Variants in OR4K5 observed in about 807,000 individuals in gnomAD.
The protein encoded by OR4K5 is olfactory receptor 4K5.
For synonymous variants in OR4K5, 187 were observed against 142.2 expected, an observed-to-expected ratio of 1.31 and a Z score of -2.24; for missense variants, 520 against 377.1, an observed-to-expected ratio of 1.38 and a Z score of -3.14.
chr14:19,921,245 C>T lies in OR4K5; in HGVS notation c.639C>T (p.Leu213=). Residue 213 remains leucine, a synonymous_variant, in exon 1 of 1, where the codon CTC becomes CTT. Transcript: ENST00000315915. ...TTCTTTCCCTAAGCACTTTCTCTCT[C>T]TTGGTCAGCTCCTACATCATTATTC... is the stretch of plus-strand genomic sequence containing the variant. The part of the protein sequence containing the change: ...SGILSLSTFS[L]LVSSYIIILV... The T allele has an allele frequency of 6.2e-7, 1 of 1,614,190 alleles. No homozygotes were observed. Among genetic ancestry groups the T allele is most frequent in the East Asian group, 2.2e-5 (1 of 44,888 alleles).
chr14:19,921,368 C>T lies in OR4K5; in HGVS notation c.762C>T (p.Cys254=). The change falls in exon 1 of 1, where the codon TGC becomes TGT. Residue 254 remains cysteine (C), a synonymous_variant. Transcript: ENST00000315915. ...IAVVILFFGP[C]IFIYVWPFTI... The stretch of plus-strand genomic sequence containing the variant: ...TAGTAATATTATTCTTTGGACCTTG[C>T]ATCTTCATCTATGTGTGGCCCTTTA... The T allele has an allele frequency of 6.2e-7, 1 of 1,614,164 alleles. No homozygotes were observed. Among genetic ancestry groups the T allele is most frequent in the Non-Finnish European group, 8.5e-7 (1 of 1,179,998 alleles).
rs1487688717 is a variant in OR4K5 at position 19,920,773 on chromosome 14, A to G, written c.167A>G (p.His56Arg). The stretch of plus-strand genomic sequence containing the variant: ...ACAGTGACTTCTGATACCAGCCTGC[A>G]CTCCCCTATGTACTTTCTCTTGGGA... ...ILTVTSDTSL[H>R]SPMYFLLGNL... Residue 56 changes from histidine (H) to arginine (R), a missense_variant, in exon 1 of 1, where the codon CAC becomes CGC. Coordinates refer to ENST00000315915, the MANE Select transcript of OR4K5 (RefSeq NM_001005483.1). 2 of 1,613,882 alleles carry G rather than the reference A, an allele frequency of 1.2e-6. No individual in the cohort carries two copies. The highest frequency in any genetic ancestry group is 2.2e-5 in the East Asian group (1 of 44,870).
In OR4K5 at chr14:19,920,836, C is replaced by T. The variant is rs142645609; in HGVS notation, c.230C>T (p.Ala77Val). The T allele has an allele frequency of 1.4e-4, 224 of 1,614,186 alleles. No individual in the cohort carries two copies. The African/African-American group carries it at 2.4e-3, about 18-fold the overall frequency. Residue 77 changes from alanine (A) to valine (V), a missense_variant, in exon 1 of 1, where the codon GCT becomes GTT. Physicochemically the swap from Ala to Val is moderately conservative, Grantham distance 64 (BLOSUM62 0). Transcript: ENST00000315915. ...GTTGACATTTGTCAGGCTTCTTTTG[C>T]TACCCCTAAAATGATTGCAGATTTT... Reference protein sequence around the residue: ...SFVDICQASFATPKMIADFLS... With the variant: ...SFVDICQASFVTPKMIADFLS...
rs1881906370 is a variant in OR4K5, at chr14:19,920,645, A to G, written c.39A>G (p.Val13=). The change falls in exon 1 of 1, where the codon GTA becomes GTG. Residue 13 remains valine, a synonymous_variant. Transcript: ENST00000315915. ...ATTCTTCAGTGGTGTCTGAATTTGT[A>G]CTGTTGGGACTCTGTAGTTCTCAAA... is the stretch of plus-strand genomic sequence containing the variant. ...KSNSSVVSEF[V]LLGLCSSQKL... is the part of the protein sequence containing the mutation. 5.0e-6 allele frequency: 8 copies of G among 1,612,442 alleles called. No homozygotes were observed. The African/African-American group carries it at 6.7e-5, about 13-fold the overall frequency.
chr14:19,920,916 A>G lies in OR4K5; in HGVS notation c.310A>G (p.Ile104Val). 2 of 1,614,150 alleles carry G rather than the reference A, an allele frequency of 1.2e-6. No individual in the cohort carries two copies. Among genetic ancestry groups the G allele is most frequent in the Non-Finnish European group, 8.5e-7 (1 of 1,179,996 alleles). ...FSGCIAQIFF[I>V]HLFTGGEMVL... The stretch of plus-strand genomic sequence containing the variant: ...TGGCTGCATAGCCCAAATTTTCTTT[A>G]TTCACCTTTTTACTGGAGGGGAGAT... Residue 104 changes from isoleucine (I) to valine (V), a missense_variant, in exon 1 of 1, where the codon ATT becomes GTT. Transcript: ENST00000315915.
Position 19,920,643 on chromosome 14 carries a change from G to T in OR4K5, c.37G>T (p.Val13Leu). 2 of 1,612,650 alleles carry T rather than the reference G, an allele frequency of 1.2e-6. No individual in the cohort carries two copies. The highest frequency in any genetic ancestry group is 1.7e-6 in the Non-Finnish European group (2 of 1,179,508). The part of the protein sequence containing the change: ...KSNSSVVSEF[V>L]LLGLCSSQKL... ...CAATTCTTCAGTGGTGTCTGAATTT[G>T]TACTGTTGGGACTCTGTAGTTCTCA... is the stretch of plus-strand genomic sequence containing the variant. Residue 13 changes from valine to leucine, a missense_variant, in exon 1 of 1, where the codon GTA (valine) becomes TTA (leucine). Val to Leu is a conservative substitution (Grantham distance 32). Coordinates refer to ENST00000315915, the MANE Select transcript of OR4K5 (RefSeq NM_001005483.1).
At position 19,921,095 on chromosome 14, in the gene OR4K5, T is replaced by C. The variant is rs770078168; in HGVS notation, c.489T>C (p.Thr163=). The change falls in exon 1 of 1, where the codon ACT becomes ACC. Residue 163 remains threonine, a synonymous_variant. Coordinates refer to ENST00000315915, the MANE Select transcript of OR4K5 (RefSeq NM_001005483.1). The part of the protein sequence containing the change: ...LVHTLSQLSF[T]VNLPFCGPNV... ...ACACATTAAGCCAGTTATCATTTAC[T>C]GTGAACCTGCCTTTTTGTGGACCTA... The C allele has an allele frequency of 6.2e-7, 1 of 1,614,206 alleles. No homozygotes were observed. Among genetic ancestry groups the C allele is most frequent in the African/African-American group, 1.3e-5 (1 of 75,074 alleles).
Position 19,920,618 on chromosome 14 carries a change from C to A in OR4K5, c.12C>A (p.Ser4=). 1 of 1,605,876 alleles carries A rather than the reference C, an allele frequency of 6.2e-7. No individual in the cohort carries two copies. The highest frequency in any genetic ancestry group is 8.5e-7 in the Non-Finnish European group (1 of 1,176,764). Residue 4 remains serine, a synonymous_variant, in exon 1 of 1, where the codon TCC becomes TCA. Coordinates refer to ENST00000315915, the MANE Select transcript of OR4K5 (RefSeq NM_001005483.1). MDK[S]NSSVVSEFVL... ...TGCAGCTTGGAACCATGGATAAGTCCAATTCTTCAGTGGTGTCTGAATTTG... is the reference window on the plus strand; with the variant it reads ...TGCAGCTTGGAACCATGGATAAGTCAAATTCTTCAGTGGTGTCTGAATTTG...
Position 19,921,248 on chromosome 14 carries a change from G to C in OR4K5, c.642G>C (p.Leu214Phe), listed in dbSNP as rs1881933340. Residue 214 changes from leucine to phenylalanine, a missense_variant, in exon 1 of 1, where the codon TTG becomes TTC. By Grantham distance (22) the Leu-to-Phe change is conservative. Transcript: ENST00000315915. ...TTTCCCTAAGCACTTTCTCTCTCTT[G>C]GTCAGCTCCTACATCATTATTCTTG... ...GILSLSTFSLLVSSYIIILVT... is the reference protein window; with the variant it reads ...GILSLSTFSLFVSSYIIILVT... 6.2e-7 allele frequency: 1 copy of C among 1,614,118 alleles called. No individual in the cohort carries two copies. Among genetic ancestry groups the C allele is most frequent in the Non-Finnish European group, 8.5e-7 (1 of 1,179,972 alleles).
Position 19,921,019 on chromosome 14 carries a change from G to C in OR4K5, c.413G>C (p.Arg138Pro). The change falls in exon 1 of 1, where the codon CGA becomes CCA. Residue 138 changes from arginine to proline, a missense_variant. Physicochemically the swap from Arg to Pro is moderately radical, Grantham distance 103. Coordinates refer to ENST00000315915, the MANE Select transcript of OR4K5 (RefSeq NM_001005483.1). ...TTATACTATGTGGTCATCATGAGCC[G>C]AAGGACATGCACTGTCTTGGTAATG... Reference protein sequence around the residue: ...KPLYYVVIMSRRTCTVLVMIS... With the variant: ...KPLYYVVIMSPRTCTVLVMIS... The C allele has an allele frequency of 6.2e-7, 1 of 1,614,174 alleles. No homozygotes were observed. Among genetic ancestry groups the C allele is most frequent in the East Asian group, 2.2e-5 (1 of 44,890 alleles).
rs757554825 is a variant in OR4K5 at position 19,920,985 on chromosome 14, T to C, written c.379T>C (p.Cys127Arg). Residue 127 changes from cysteine to arginine, a missense_variant, in exon 1 of 1, where the codon TGC (cysteine) becomes CGC (arginine). Physicochemically the swap from Cys to Arg is radical, Grantham distance 180. Transcript: ENST00000315915. Reference sequence around the variant, plus strand: ...GGCCTATGACAGGTATGTAGCCATATGCAAACCCTTATACTATGTGGTCAT... The same window carrying C: ...GGCCTATGACAGGTATGTAGCCATACGCAAACCCTTATACTATGTGGTCAT... ...SMAYDRYVAICKPLYYVVIMS... is the reference protein window; with the variant it reads ...SMAYDRYVAIRKPLYYVVIMS... The C allele has an allele frequency of 3.8e-5, 62 of 1,614,082 alleles. No individual in the cohort carries two copies. In the South Asian group the frequency reaches 5.9e-4, roughly 15 times the overall value.
rs1555334171 is a variant in OR4K5, at chr14:19,920,701, C to T, written c.95C>T (p.Ser32Phe). 5.0e-6 allele frequency: 8 copies of T among 1,614,082 alleles called. No homozygotes were observed. The highest frequency in any genetic ancestry group is 2.2e-5 in the East Asian group (1 of 44,890). The change falls in exon 1 of 1, where the codon TCT becomes TTT. Residue 32 changes from serine to phenylalanine, a missense_variant. Physicochemically the swap from Ser to Phe is radical, Grantham distance 155. Coordinates refer to ENST00000315915, the MANE Select transcript of OR4K5 (RefSeq NM_001005483.1). Reference sequence around the variant, plus strand: ...CAGCTTTTCTATTTTTGTTTCTTCTCTGTGTTGTATACAGTCATTGTGCTG... The same window carrying T: ...CAGCTTTTCTATTTTTGTTTCTTCTTTGTGTTGTATACAGTCATTGTGCTG... ...KLQLFYFCFF[S>F]VLYTVIVLGN...
In OR4K5 at chr14:19,920,819, T is replaced by G. The variant is rs1594448326; in HGVS notation, c.213T>G (p.Ile71Met). Residue 71 changes from isoleucine to methionine, a missense_variant, in exon 1 of 1, where the codon ATT becomes ATG. Physicochemically the swap from Ile to Met is conservative, Grantham distance 10 (BLOSUM62 1). Transcript: ENST00000315915. ...TGGGAAACCTTTCCTTTGTTGACAT[T>G]TGTCAGGCTTCTTTTGCTACCCCTA... ...FLLGNLSFVD[I>M]CQASFATPKM... The G allele has an allele frequency of 3.1e-6, 5 of 1,614,244 alleles. No individual in the cohort carries two copies. In the East Asian group the frequency reaches 1.1e-4, roughly 36 times the overall value.
Position 19,920,979 on chromosome 14 carries a change from GC to G in OR4K5, c.375del (p.Ile126TyrfsTer11). 1.2e-6 allele frequency: 2 copies of G among 1,614,160 alleles called. No homozygotes were observed. The highest frequency in any genetic ancestry group is 1.7e-6 in the Non-Finnish European group (2 of 1,179,996). On this transcript the variant is annotated frameshift_variant, in exon 1 of 1. Transcript: ENST00000315915. LOFTEE classifies it low-confidence loss of function (END_TRUNC). ...TTCGATGGCCTATGACAGGTATGTA[GC>G]CATATGCAAACCCTTATACTATGTG... ...LVSMAYDRYVAICKPLYYVVI... is the reference protein window; with the variant it reads ...LVSMAYDRYVXICKPLYYVVI...
In OR4K5 at chr14:19,921,140, T is replaced by C. The variant is rs766445482; in HGVS notation, c.534T>C (p.Phe178=). Residue 178 remains phenylalanine, a synonymous_variant, in exon 1 of 1, where the codon TTT becomes TTC. Coordinates refer to ENST00000315915, the MANE Select transcript of OR4K5 (RefSeq NM_001005483.1). ...GACCTAATGTAGTAGACAGCTTTTT[T>C]TGTGATCTTCCTCGAGTCACCAAAC... ...FCGPNVVDSF[F]CDLPRVTKLA... The C allele has an allele frequency of 6.2e-7, 1 of 1,614,186 alleles. No individual in the cohort carries two copies. The highest frequency in any genetic ancestry group is 1.1e-5 in the South Asian group (1 of 91,086).
chr14:19,921,172 G>A lies in OR4K5; in HGVS notation c.566G>A (p.Cys189Tyr), dbSNP rs1221834647. ...CTTCCTCGAGTCACCAAACTTGCCT[G>A]CCTGGACTCTTACATCATTGAAATA... The part of the protein sequence containing the change: ...CDLPRVTKLA[C>Y]LDSYIIEILI... Residue 189 changes from cysteine (C) to tyrosine (Y), a missense_variant, in exon 1 of 1, where the codon TGC (cysteine) becomes TAC (tyrosine). Transcript: ENST00000315915. The A allele has an allele frequency of 1.2e-6, 2 of 1,614,156 alleles. No individual in the cohort carries two copies. The highest frequency in any genetic ancestry group is 1.3e-5 in the African/African-American group (1 of 75,060).
In OR4K5 at chr14:19,921,242, T is replaced by C; in HGVS notation, c.636T>C (p.Ser212=). 6.2e-7 allele frequency: 1 copy of C among 1,614,164 alleles called. No homozygotes were observed. The highest frequency in any genetic ancestry group is 8.5e-7 in the Non-Finnish European group (1 of 1,179,976). The change falls in exon 1 of 1, where the codon TCT becomes TCC. Residue 212 remains serine (S), a synonymous_variant. Coordinates refer to ENST00000315915, the MANE Select transcript of OR4K5 (RefSeq NM_001005483.1). ...NSGILSLSTF[S]LLVSSYIIIL... ...GAATTCTTTCCCTAAGCACTTTCTC[T>C]CTCTTGGTCAGCTCCTACATCATTA...
rs778396933 is a variant in OR4K5, at chr14:19,920,771, G to T, written c.165G>T (p.Leu55=). Residue 55 remains leucine, a synonymous_variant, in exon 1 of 1, where the codon CTG becomes CTT. Coordinates refer to ENST00000315915, the MANE Select transcript of OR4K5 (RefSeq NM_001005483.1). ...TCACAGTGACTTCTGATACCAGCCT[G>T]CACTCCCCTATGTACTTTCTCTTGG... The part of the protein sequence containing the change: ...IILTVTSDTS[L]HSPMYFLLGN... The T allele has an allele frequency of 6.8e-6, 11 of 1,614,026 alleles. No individual in the cohort carries two copies. The highest frequency in any genetic ancestry group is 6.8e-6 in the Non-Finnish European group (8 of 1,179,982).
Position 19,921,111 on chromosome 14 carries a change from T to G in OR4K5, c.505T>G (p.Cys169Gly). The change falls in exon 1 of 1, where the codon TGT (cysteine) becomes GGT (glycine). Residue 169 changes from cysteine (C) to glycine (G), a missense_variant. Transcript: ENST00000315915. Reference protein sequence around the residue: ...QLSFTVNLPFCGPNVVDSFFC... With the variant: ...QLSFTVNLPFGGPNVVDSFFC... ...ATCATTTACTGTGAACCTGCCTTTT[T>G]GTGGACCTAATGTAGTAGACAGCTT... is the stretch of plus-strand genomic sequence containing the variant. 6.2e-7 allele frequency: 1 copy of G among 1,614,188 alleles called. No homozygotes were observed. Among genetic ancestry groups the G allele is most frequent in the South Asian group, 1.1e-5 (1 of 91,088 alleles).
Sources: allele counts gnomAD v4.1 joint callset, GRCh38; gene constraint gnomAD v4.1.1; transcripts MANE v1.5; gene names NCBI Gene and HGNC (gene_info 2026-07-23, HGNC 2026-07-21).